Variants in PCDH9 observed in about 807,000 individuals in gnomAD.
PCDH9 encodes the protein protocadherin 9, also known as protocadherin-9.
Under a neutral mutation model 70.6 loss-of-function variants are expected in PCDH9, and 24 were observed. That is an observed-to-expected ratio of 0.34 (90% CI 0.25 to 0.48). The LOEUF (loss-of-function observed/expected upper bound fraction) is 0.48, where lower values mean the gene tolerates loss of function less well. PCDH9 is among the 20% of genes least tolerant of loss of function. The probability of loss-of-function intolerance (pLI) is 0.99; values close to 1 mark genes in which losing one functional copy is unlikely to be tolerated. For missense variants in PCDH9, 1,281 were observed against 1,503.6 expected, an observed-to-expected ratio of 0.85 and a Z score of 2.45; for synonymous variants, 562 against 558.5, an observed-to-expected ratio of 1.01 and a Z score of -0.09.
At chr13:66,746,479 C>G (rs1328961756) in intron 3 of PCDH9, among the ~76,000 whole-genome samples, 1 of 151,672 alleles carries the variant, frequency 6.6e-6, no homozygotes, top group Non-Finnish European at 1.5e-5. Context: ...AGGCAGATAA[C>G]CAGACAGAGA....
At chr13:66,490,710 TA>T (rs1451135713) in intron 4 of PCDH9, among the ~76,000 whole-genome samples, 32 of 152,146 alleles carry the variant, frequency 2.1e-4, no homozygotes, top group African/African-American at 7.7e-4. Context: ...CTTGCTGAAC[TA>T]TTTTTTTTAA....
intron 3 of PCDH9, among the ~76,000 whole-genome samples, chr13:66,894,282 A>G (rs995702004): frequency 3.3e-5 from 5 of 151,788 alleles, no homozygotes; most frequent in African/African-American, 1.2e-4. Context: ...ACACTGTCTG[A>G]ACTATCTAAA....
At position 66,326,714 on chromosome 13, in the gene PCDH9, T is replaced by C. The variant is rs1955854476; in HGVS notation, c.3341-21686A>G. ...TACAGGTGTGAGCCACCGCTCCTAG[T>C]CGCATAATGCATTTTAATTCATGAT... On this transcript the variant is annotated intron_variant, in intron 4 of 4. Transcript: ENST00000377865. 2.0e-5 allele frequency among the ~76,000 whole-genome samples: 3 copies of C among 152,244 alleles called. No individual in the cohort carries two copies. In the South Asian group the frequency reaches 6.2e-4, roughly 32 times the overall value.
chr13:67,130,283 C>T (rs561231602), intron 2 of PCDH9, among the ~76,000 whole-genome samples: 2 of 152,006 alleles, frequency 1.3e-5, no homozygotes, highest in East Asian at 1.9e-4. Context: ...CAAAACACAT[C>T]GAATATGAAT....
intron 3 of PCDH9, among the ~76,000 whole-genome samples, chr13:66,871,941 C>T (rs960611012): frequency 6.6e-6 from 1 of 151,988 alleles, no homozygotes; most frequent in Non-Finnish European, 1.5e-5. Context: ...TATGGAATAC[C>T]TTCTCCAAGC....
Position 67,225,907 on chromosome 13 carries a change from T to G in PCDH9, c.2534A>C (p.Lys845Thr). 1 of 1,614,106 alleles carries G rather than the reference T, an allele frequency of 6.2e-7. No individual in the cohort carries two copies. Among genetic ancestry groups the G allele is most frequent in the Non-Finnish European group, 8.5e-7 (1 of 1,180,024 alleles). Residue 845 changes from lysine to threonine, a missense_variant, in exon 2 of 5, where the codon AAA (lysine) becomes ACA (threonine). By Grantham distance (78) the Lys-to-Thr change is moderately conservative (BLOSUM62 -1). Around this residue, in one of 4 missense-constraint regions of PCDH9, gnomAD observed 207 missense variants for 191.8 expected, o/e 1.08. Transcript: ENST00000377865. ...LVRCRHASRF[K>T]AAQRSKQGAE... ...ACCTTGCTTGCTCCTCTGAGCTGCTTTGAACCTTGATGCATGGCGACAGCG... is the reference window on the plus strand; with the variant it reads ...ACCTTGCTTGCTCCTCTGAGCTGCTGTGAACCTTGATGCATGGCGACAGCG...
At chr13:66,898,236 G>T (rs745374063) in intron 3 of PCDH9, among the ~76,000 whole-genome samples, 1 of 151,938 alleles carries the variant, frequency 6.6e-6, no homozygotes, top group Admixed American at 6.6e-5. Context: ...TATGTTAGGA[G>T]TTATTCCCCA....
chr13:66,591,831 A>T (rs537800803), intron 4 of PCDH9, among the ~76,000 whole-genome samples: 38 of 151,788 alleles, frequency 2.5e-4, no homozygotes, highest in African/African-American at 8.9e-4. Flanking sequence ...TGCAAGGAAA[A>T]CAAGATGATA....
At chr13:66,472,674 G>A (rs1263055895) in intron 4 of PCDH9, among the ~76,000 whole-genome samples, 1 of 152,184 alleles carries the variant, frequency 6.6e-6, no homozygotes, top group African/African-American at 2.4e-5. Flanking sequence ...AATATTGAAA[G>A]TGATTCCAGA....
At chr13:66,395,589 ACT>A (rs1335736031) in intron 4 of PCDH9, among the ~76,000 whole-genome samples, 1 of 151,406 alleles carries the variant, frequency 6.6e-6, no homozygotes, top group South Asian at 2.1e-4. Flanking sequence ...ACATAGTAAG[ACT>A]CTGTCTCAAA....
chr13:66,317,433 T>C (rs1955673975), intron 4 of PCDH9, among the ~76,000 whole-genome samples: 1 of 152,198 alleles, frequency 6.6e-6, no homozygotes, highest in African/African-American at 2.4e-5. Context: ...ATAGCTGCAT[T>C]CAGATCACTT....
At chr13:66,781,532 C>T (rs1214905491) in intron 3 of PCDH9, among the ~76,000 whole-genome samples, 1 of 152,148 alleles carries the variant, frequency 6.6e-6, no homozygotes, top group East Asian at 1.9e-4. Flanking sequence ...AGTTTATTAG[C>T]TCAGCACTTA....
intron 2 of PCDH9, among the ~76,000 whole-genome samples, chr13:67,157,306 C>T (rs1328027279): frequency 6.6e-6 from 1 of 152,112 alleles, no homozygotes; most frequent in East Asian, 1.9e-4. Context: ...AAAATCTCCT[C>T]CATTAAATTG....
At chr13:66,540,725 CCTT>C (rs1314742743) in intron 4 of PCDH9, among the ~76,000 whole-genome samples, 1 of 152,104 alleles carries the variant, frequency 6.6e-6, no homozygotes, top group Admixed American at 6.6e-5. Context: ...CTGCATTATG[CCTT>C]AGATATACAA....
At chr13:67,133,500 T>G (rs7985006) in intron 2 of PCDH9, among the ~76,000 whole-genome samples, 1 of 152,002 alleles carries the variant, frequency 6.6e-6, no homozygotes, top group African/African-American at 2.4e-5. Flanking sequence ...TAATATAGGA[T>G]GCTTTACTGT....
At chr13:67,125,226 G>A (rs572563727) in intron 2 of PCDH9, among the ~76,000 whole-genome samples, 90 of 152,278 alleles carry the variant, frequency 5.9e-4, no homozygotes, top group African/African-American at 2.0e-3. Context: ...TTCCTAGGAC[G>A]TCAGAGGGAT....
At chr13:66,644,409 T>G (rs1236150045) in intron 3 of PCDH9, among the ~76,000 whole-genome samples, 1 of 151,804 alleles carries the variant, frequency 6.6e-6, no homozygotes, top group Non-Finnish European at 1.5e-5. Context: ...TGGGCACAAT[T>G]TTTCTGTAAA....
intron 3 of PCDH9, among the ~76,000 whole-genome samples, chr13:66,685,117 T>A (rs2078382011): frequency 6.6e-6 from 1 of 152,064 alleles, no homozygotes; most frequent in South Asian, 2.1e-4. Context: ...GTCGCCAGGA[T>A]AATGGGGAAA....
intron 2 of PCDH9, among the ~76,000 whole-genome samples, chr13:67,070,378 A>C (rs1017334151): frequency 5.3e-5 from 8 of 152,168 alleles, no homozygotes; most frequent in African/African-American, 1.9e-4. Flanking sequence ...ACAGCTATTA[A>C]GAGGTTTCTG....
Sources: gnomAD v4.1 joint callset for allele counts (sites outside exome capture counted in the v4.1 genomes callset) on GRCh38, gnomAD v4.1.1 for gene constraint, gnomAD v4.1.1 regional missense constraint, MANE v1.5 for transcripts, NCBI Gene and HGNC (gene_info 2026-07-23, HGNC 2026-07-21) for gene names.